PPM1H: variants seen among roughly 807,000 people sequenced by gnomAD.
PPM1H encodes protein phosphatase 1H.
In PPM1H, 27 loss-of-function variants were observed where a neutral mutation model predicts 54.9. The ratio of observed to expected loss-of-function variants is 0.49; its 90% CI spans 0.36 to 0.68. The LOEUF (loss-of-function observed/expected upper bound fraction) is 0.68, where lower values mean the gene tolerates loss of function less well. Among genes scored for constraint, PPM1H ranks in the 30% least tolerant of loss-of-function variants. PPM1H has a pLI of 0.00. For synonymous variants in PPM1H, 305 were observed against 270.8 expected, an observed-to-expected ratio of 1.13 and a Z score of -1.24; for missense variants, 596 against 667.8, an observed-to-expected ratio of 0.89 and a Z score of 1.19.
chr12:62,750,052 G>A, intron 4 of PPM1H, among the ~76,000 whole-genome samples: 1 of 139,972 alleles, frequency 7.1e-6, no homozygotes. Flanking sequence ...GGTTTTCAAG[G>A]TGCATATCAT....
At chr12:62,827,243 T>A (rs1868300821) in intron 2 of PPM1H, among the ~76,000 whole-genome samples, 1 of 152,142 alleles carries the variant, frequency 6.6e-6, no homozygotes, top group Admixed American at 6.5e-5. Context: ...AGTGGTCCAC[T>A]TTTCAGTGAC....
chr12:62,841,157 A>G (rs900869623), intron 1 of PPM1H, among the ~76,000 whole-genome samples: 1 of 152,048 alleles, frequency 6.6e-6, no homozygotes, highest in African/African-American at 2.4e-5. Flanking sequence ...GGGAGTTCTG[A>G]GGGGTGAGAT....
intron 5 of PPM1H, among the ~76,000 whole-genome samples, chr12:62,733,883 G>A (rs1940398494): frequency 2.0e-5 from 3 of 152,126 alleles, no homozygotes; most frequent in African/African-American, 4.8e-5. Context: ...TCTTAGCAAC[G>A]TTAGAAATGG....
chr12:62,654,217 CAAAAAAAAAAAA>C (rs57812590), intron 9 of PPM1H, among the ~76,000 whole-genome samples: 2 of 65,448 alleles, frequency 3.1e-5, no homozygotes, highest in African/African-American at 6.4e-5. Flanking sequence ...GACTCTTTCT[CAAAAAAAAAAAA>C]AAAAAAAAAA....
At chr12:62,664,466 AAC>A (rs1420620372) in intron 9 of PPM1H, among the ~76,000 whole-genome samples, 1 of 152,136 alleles carries the variant, frequency 6.6e-6, no homozygotes, top group Non-Finnish European at 1.5e-5. Flanking sequence ...CTATTATTTT[AAC>A]AGTTTTCTTA....
chr12:62,858,530 T>G (rs954881582), intron 1 of PPM1H, among the ~76,000 whole-genome samples: 2 of 152,194 alleles, frequency 1.3e-5, no homozygotes, highest in Non-Finnish European at 2.9e-5. Context: ...CTTGCAAGCA[T>G]GCAATCTGTC....
At chr12:62,781,850 T>G (rs2076644809) in intron 4 of PPM1H, among the ~76,000 whole-genome samples, 1 of 152,206 alleles carries the variant, frequency 6.6e-6, no homozygotes, top group Non-Finnish European at 1.5e-5. Context: ...CTGCCTGTAT[T>G]TGTGATCATT....
Position 62,745,296 on chromosome 12 carries a change from A to G in PPM1H, c.870-7710T>C, listed in dbSNP as rs151280162. ...AGGCTCGTCGCGAATGCCTGGGCTC[A>G]AGCAATCCTCCCACCTCAGTCTCCC... On this transcript the variant is annotated intron_variant, in intron 4 of 9. Coordinates refer to ENST00000228705, the MANE Select transcript of PPM1H (RefSeq NM_020700.2). Among the ~76,000 whole-genome samples, 874 of 152,292 alleles carry G rather than the reference A, an allele frequency of 5.7e-3. 7 individuals are homozygous for G. The highest frequency in any genetic ancestry group is 0.02 in the African/African-American group (825 of 41,552).
chr12:62,894,520 C>A (rs1400906318), intron 1 of PPM1H, among the ~76,000 whole-genome samples: 3 of 152,154 alleles, frequency 2.0e-5, no homozygotes, highest in Non-Finnish European at 4.4e-5. Context: ...CAGGTTCTGC[C>A]TCAAATTAGC....
Position 62,659,292 on chromosome 12 carries a change from G to T in PPM1H, c.1397+7886C>A, listed in dbSNP as rs201807346. 1.3e-4 allele frequency: 44 copies of T among 330,162 alleles called. No homozygotes were observed. In the East Asian group the frequency reaches 1.4e-3, roughly 10 times the overall value. The allele number at this position is 330,162 out of a possible 1,614,324, so 20.5% of individuals were successfully genotyped here. ...TGCAAAAAAAAAAAAAAAAAAAAAAGAGAAAAACTTACTGCACTCATATTC... is the reference window on the plus strand; with the variant it reads ...TGCAAAAAAAAAAAAAAAAAAAAAATAGAAAAACTTACTGCACTCATATTC... On this transcript the variant is annotated intron_variant, in intron 9 of 9. Transcript: ENST00000228705.
intron 4 of PPM1H, among the ~76,000 whole-genome samples, chr12:62,739,396 A>C (rs1025614658): frequency 6.6e-6 from 1 of 152,104 alleles, no homozygotes; most frequent in African/African-American, 2.4e-5. Flanking sequence ...GGAGAATTTG[A>C]AAGGGGGCGG....
intron 5 of PPM1H, among the ~76,000 whole-genome samples, chr12:62,736,030 CT>C (rs2076347829): frequency 6.6e-6 from 1 of 152,140 alleles, no homozygotes; most frequent in African/African-American, 2.4e-5. Flanking sequence ...GAAGGGCGGT[CT>C]GCATTCTGTA....
intron 4 of PPM1H, among the ~76,000 whole-genome samples, chr12:62,763,445 T>C (rs540442735): frequency 6.6e-5 from 10 of 152,340 alleles, no homozygotes; most frequent in African/African-American, 2.4e-4. Context: ...TGATTTCAGA[T>C]CACCTGCTTT....
At chr12:62,696,581 A>G (rs1171668944) in intron 6 of PPM1H, among the ~76,000 whole-genome samples, 1 of 152,258 alleles carries the variant, frequency 6.6e-6, no homozygotes, top group Non-Finnish European at 1.5e-5. Flanking sequence ...TTGAGTAATA[A>G]AGTATAAAAT....
chr12:62,772,231 C>T (rs1262819121), intron 4 of PPM1H, among the ~76,000 whole-genome samples: 1 of 152,180 alleles, frequency 6.6e-6, no homozygotes. Flanking sequence ...AACAGTTCTG[C>T]AAAGGAGGCT....
chr12:62,682,996 TATTA>T (rs2076028431), intron 8 of PPM1H, among the ~76,000 whole-genome samples: 1 of 146,202 alleles, frequency 6.8e-6, no homozygotes, highest in Non-Finnish European at 1.5e-5. Context: ...TTTATAAATT[TATTA>T]TTTATAGATA....
chr12:62,934,742 T>A lies in PPM1H; in HGVS notation c.-6A>T. On this transcript the variant is annotated 5_prime_UTR_variant, in exon 1 of 10. Coordinates refer to ENST00000228705, the MANE Select transcript of PPM1H (RefSeq NM_020700.2). The surrounding 1 kb of genome is among the most constrained non-coding windows in gnomAD (Gnocchi z 4.2). Reference sequence around the variant, plus strand: ...GATTTCACTCGAGTGAGCATATTACTCCGGCGCCCGGCTGCAGCGGTGCGA... The same window carrying A: ...GATTTCACTCGAGTGAGCATATTACACCGGCGCCCGGCTGCAGCGGTGCGA... 6.5e-7 allele frequency: 1 copy of A among 1,532,764 alleles called. No homozygotes were observed. The highest frequency in any genetic ancestry group is 8.8e-7 in the Non-Finnish European group (1 of 1,135,100). The allele number at this position is 1,532,764 out of a possible 1,614,324, so 94.9% of individuals were successfully genotyped here.
At chr12:62,666,705 G>A (rs1298442899) in intron 9 of PPM1H, among the ~76,000 whole-genome samples, 1 of 152,038 alleles carries the variant, frequency 6.6e-6, no homozygotes, top group Non-Finnish European at 1.5e-5. Context: ...TTATTTGGCA[G>A]AGAAAGTACC....
intron 4 of PPM1H, among the ~76,000 whole-genome samples, chr12:62,783,734 TA>T (rs1355400375): frequency 3.3e-5 from 5 of 152,366 alleles, no homozygotes; most frequent in Middle Eastern, 3.4e-3. Flanking sequence ...ATGCCGCTAT[TA>T]CTATAAGTCT....
Sources: gnomAD v4.1 joint callset for allele counts (sites outside exome capture counted in the v4.1 genomes callset) on GRCh38, gnomAD v4.1.1 for gene constraint, Gnocchi (gnomAD v3.1) non-coding constraint, MANE v1.5 for transcripts, NCBI Gene and HGNC (gene_info 2026-07-23, HGNC 2026-07-21) for gene names.